Variants in MBD5 observed in about 807,000 individuals in gnomAD.
MBD5 encodes the protein methyl-CpG-binding domain protein 5.
MBD5 carries 13 observed loss-of-function variants against 117.3 expected under a neutral mutation model. That is an observed-to-expected ratio of 0.11 (90% CI 0.07 to 0.18). The LOEUF (loss-of-function observed/expected upper bound fraction) is 0.18. Among genes scored for constraint, MBD5 ranks in the 10% least tolerant of loss-of-function variants. MBD5 has a pLI of 1.00. For synonymous variants in MBD5, 727 were observed against 766.4 expected (o/e 0.95, Z 0.85); for missense variants, 1,879 against 2,093.8 (o/e 0.90, Z 2.00).
intron 1 of MBD5, among the ~76,000 whole-genome samples, chr2:148,146,933 T>G (rs578256606): frequency 1.3e-5 from 2 of 152,176 alleles, no homozygotes; most frequent in Non-Finnish European, 2.9e-5. Flanking sequence ...TTTCTGTTAT[T>G]ACCTTTTTCA....
chr2:148,228,199 G>C (rs1699886584), intron 2 of MBD5, among the ~76,000 whole-genome samples: 1 of 152,168 alleles, frequency 6.6e-6, no homozygotes, highest in Non-Finnish European at 1.5e-5. Flanking sequence ...TGTTTTCAAA[G>C]GGAATGCTTC....
intron 3 of MBD5, among the ~76,000 whole-genome samples, chr2:148,319,091 A>G (rs576656979): frequency 3.3e-5 from 5 of 152,214 alleles, no homozygotes; most frequent in African/African-American, 7.2e-5. Context: ...TGGGTTCTCT[A>G]TTCTGATCCA....
chr2:148,055,314 A>G (rs1229993890), intron 1 of MBD5: 2 of 152,010 alleles, frequency 1.3e-5, no homozygotes, highest in Non-Finnish European at 1.5e-5. Context: ...CTTTATACCC[A>G]TCTGCACCTT....
intron 4 of MBD5, among the ~76,000 whole-genome samples, chr2:148,367,918 G>GCGATTCCT (rs1703749076): frequency 6.6e-6 from 1 of 152,142 alleles, no homozygotes; most frequent in African/African-American, 2.4e-5. Context: ...AGACAGTGTG[G>GCGATTCCT]CGATTCCTCA....
At chr2:148,156,356 A>G (rs1697874397) in intron 1 of MBD5, among the ~76,000 whole-genome samples, 1 of 152,252 alleles carries the variant, frequency 6.6e-6, no homozygotes, top group Non-Finnish European at 1.5e-5. Context: ...AGAACTGCTT[A>G]TAACTACTCC....
chr2:148,395,767 G>T (rs142500986), intron 4 of MBD5, among the ~76,000 whole-genome samples: 2 of 152,088 alleles, frequency 1.3e-5, no homozygotes, highest in African/African-American at 4.8e-5. Flanking sequence ...ATTAACCAAC[G>T]TGTATGCCTA....
chr2:148,093,853 T>C (rs949502132), intron 1 of MBD5, among the ~76,000 whole-genome samples: 1 of 152,200 alleles, frequency 6.6e-6, no homozygotes, highest in African/African-American at 2.4e-5. Context: ...GACGAATCTA[T>C]CTGGAAGAGC....
intron 1 of MBD5, among the ~76,000 whole-genome samples, chr2:148,167,781 AT>A (rs1166463004): frequency 1.3e-5 from 2 of 151,920 alleles, no homozygotes; most frequent in South Asian, 2.1e-4. Context: ...CAGGAACATC[AT>A]TTTTTTTTTG....
intron 8 of MBD5, among the ~76,000 whole-genome samples, chr2:148,479,508 T>TA (rs1157393134): frequency 6.6e-6 from 1 of 152,178 alleles, no homozygotes; most frequent in South Asian, 2.1e-4. Flanking sequence ...GTCTTGGAAA[T>TA]ACAGTGATAA....
chr2:148,419,234 A>G (rs1705521572), intron 4 of MBD5, among the ~76,000 whole-genome samples: 1 of 152,194 alleles, frequency 6.6e-6, no homozygotes, highest in Non-Finnish European at 1.5e-5. Flanking sequence ...TGAACTGAAG[A>G]TGAATTAAAG....
intron 4 of MBD5, among the ~76,000 whole-genome samples, chr2:148,435,618 C>T (rs1002412305): frequency 1.3e-5 from 2 of 152,078 alleles, no homozygotes; most frequent in Non-Finnish European, 1.5e-5. Context: ...CTGCTATTAG[C>T]CTGAAGAGAT....
chr2:148,427,411 A>C (rs1004923044), intron 4 of MBD5, among the ~76,000 whole-genome samples: 2 of 152,238 alleles, frequency 1.3e-5, no homozygotes, highest in Admixed American at 1.3e-4. Context: ...CCAAATGTCC[A>C]ACAATGATAG....
chr2:148,194,942 A>T (rs1698937006), intron 2 of MBD5, among the ~76,000 whole-genome samples: 1 of 152,194 alleles, frequency 6.6e-6, no homozygotes, highest in African/African-American at 2.4e-5. Flanking sequence ...CCCAATAAAC[A>T]ACTCCAGGGG....
At chr2:148,148,936 T>C (rs1472720645) in intron 1 of MBD5, among the ~76,000 whole-genome samples, 2 of 152,076 alleles carry the variant, frequency 1.3e-5, no homozygotes. Context: ...TCTTTATTTA[T>C]TTTATTTTAT....
At position 148,463,875 on chromosome 2, in the gene MBD5, C is replaced by G. The variant is rs765892446; in HGVS notation, c.353C>G (p.Ala118Gly). Reference sequence around the variant, plus strand: ...GCCACACTTCATAAAAGCATGGAAGCCCCACATCCTTCTCTGGTGCTCACC... The same window carrying G: ...GCCACACTTCATAAAAGCATGGAAGGCCCACATCCTTCTCTGGTGCTCACC... ...AVATLHKSME[A>G]PHPSLVLTSP... The change falls in exon 7 of 14, where the codon GCC becomes GGC. Residue 118 changes from alanine to glycine, a missense_variant. Coordinates refer to ENST00000642680, the MANE Select transcript of MBD5 (RefSeq NM_001378120.1). The G allele has an allele frequency of 1.9e-6, 3 of 1,613,502 alleles. No individual in the cohort carries two copies. The highest frequency in any genetic ancestry group is 2.7e-5 in the African/African-American group (2 of 74,882).
intron 8 of MBD5, among the ~76,000 whole-genome samples, chr2:148,475,160 A>G (rs1245076709): frequency 6.6e-6 from 1 of 152,102 alleles, no homozygotes; most frequent in Non-Finnish European, 1.5e-5. Context: ...AAGTATTTTC[A>G]CTCAAATTTT....
intron 1 of MBD5, among the ~76,000 whole-genome samples, chr2:148,169,043 G>T (rs1040331336): frequency 6.6e-6 from 1 of 151,104 alleles, no homozygotes; most frequent in African/African-American, 2.4e-5. Flanking sequence ...CTGCGCAGAG[G>T]AAGTTCTTGA....
chr2:148,503,939 C>T (rs1385214026), intron 12 of MBD5, among the ~76,000 whole-genome samples: 2 of 152,142 alleles, frequency 1.3e-5, no homozygotes, highest in African/African-American at 4.8e-5. Flanking sequence ...AAAATGTTTC[C>T]TACAGTGAAA....
intron 1 of MBD5, among the ~76,000 whole-genome samples, chr2:148,059,034 A>G (rs891383544): frequency 4.6e-5 from 7 of 152,200 alleles, no homozygotes; most frequent in South Asian, 2.1e-4. Flanking sequence ...TACAATAACT[A>G]CTTACTTGAA....
Sources: allele counts gnomAD v4.1 joint callset (sites outside exome capture counted in the v4.1 genomes callset), GRCh38; gene constraint gnomAD v4.1.1; transcripts MANE v1.5; gene names NCBI Gene and HGNC (gene_info 2026-07-23, HGNC 2026-07-21).